The following ADCY2 variants were observed in gnomAD, a reference collection of about 807,000 sequenced individuals.
The protein encoded by ADCY2 is adenylate cyclase 2.
Under a neutral mutation model 125.2 loss-of-function variants are expected in ADCY2, and 31 were observed. That is an observed-to-expected ratio of 0.25 (90% CI 0.19 to 0.33). The LOEUF is 0.33. Among genes scored for constraint, ADCY2 ranks in the 10% least tolerant of loss-of-function variants. ADCY2 has a pLI of 1.00. For synonymous variants in ADCY2, 512 were observed against 548.4 expected, an observed-to-expected ratio of 0.93 and a Z score of 0.93; for missense variants, 904 against 1,418.2, an observed-to-expected ratio of 0.64 and a Z score of 5.82.
chr5:7,524,589 C>T (rs912402592), intron 3 of ADCY2, among the ~76,000 whole-genome samples: 3 of 152,172 alleles, frequency 2.0e-5, no homozygotes, highest in East Asian at 1.9e-4. Context: ...TTTAGTGGTT[C>T]TTTGGCCCTA....
intron 3 of ADCY2, among the ~76,000 whole-genome samples, chr5:7,572,685 T>C (rs961818742): frequency 1.1e-4 from 17 of 152,216 alleles, no homozygotes; most frequent in African/African-American, 3.9e-4. Flanking sequence ...ACTTTTGGCA[T>C]CTTCATCATG....
rs964713082 is a variant in ADCY2 at position 7,730,066 on chromosome 5, A to G, written c.1871+2805A>G. Among the ~76,000 whole-genome samples the G allele has an allele frequency of 2.6e-5, 4 of 152,076 alleles. No homozygotes were observed. In the East Asian group the frequency reaches 5.8e-4, roughly 22 times the overall value. On this transcript the variant is annotated intron_variant, in intron 14 of 24. Transcript: ENST00000338316. ...TCCCCCTTTGGAGTCTCCATAGTCCATTGTATCACTCTGTGTGCCTTTACA... is the reference window on the plus strand; with the variant it reads ...TCCCCCTTTGGAGTCTCCATAGTCCGTTGTATCACTCTGTGTGCCTTTACA...
At chr5:7,404,073 TA>T (rs1477768580) in intron 1 of ADCY2, among the ~76,000 whole-genome samples, 2 of 152,210 alleles carry the variant, frequency 1.3e-5, no homozygotes, top group African/African-American at 4.8e-5. Flanking sequence ...CTAGTATTTC[TA>T]ATTTTATTTC....
At chr5:7,475,090 C>A (rs963210416) in intron 2 of ADCY2, among the ~76,000 whole-genome samples, 3 of 152,214 alleles carry the variant, frequency 2.0e-5, no homozygotes, top group African/African-American at 4.8e-5. Flanking sequence ...TGGTGGGAAA[C>A]TCCATGGGAA....
chr5:7,589,927 G>A (rs1736792993), intron 3 of ADCY2, among the ~76,000 whole-genome samples: 1 of 152,158 alleles, frequency 6.6e-6, no homozygotes, highest in Admixed American at 6.5e-5. Context: ...TCCTTTCACA[G>A]CTGATTCCAA....
chr5:7,825,037 G>C (rs1745422926), intron 24 of ADCY2, among the ~76,000 whole-genome samples: 2 of 152,196 alleles, frequency 1.3e-5, no homozygotes, highest in Admixed American at 1.3e-4. Flanking sequence ...ACACTGCTGT[G>C]TGCCATAACA....
intron 4 of ADCY2, among the ~76,000 whole-genome samples, chr5:7,675,121 G>A (rs1740077160): frequency 6.6e-6 from 1 of 150,914 alleles, no homozygotes; most frequent in South Asian, 2.1e-4. Context: ...TAGCGCCACT[G>A]CAGTCCGGCC....
chr5:7,783,581 C>A lies in ADCY2; in HGVS notation c.2385-784C>A, dbSNP rs73737628. ...CACACAAGCAGAAAGTGATGACCTG[C>A]TGTTTGTAGTTGATCAAATGCCATC... is the stretch of plus-strand genomic sequence containing the variant. On this transcript the variant is annotated intron_variant, in intron 18 of 24. Coordinates refer to ENST00000338316, the MANE Select transcript of ADCY2 (RefSeq NM_020546.3). Among the ~76,000 whole-genome samples the A allele has an allele frequency of 4.0e-3, 604 of 152,206 alleles. 1 individual carries two copies. Among genetic ancestry groups the A allele is most frequent in the Middle Eastern group, 0.024 (7 of 294 alleles).
At chr5:7,414,526 A>C in intron 1 of ADCY2, 47 bp from the exon 2 acceptor site, 10 of 1,477,664 alleles carry the variant, frequency 6.8e-6, no homozygotes, top group Non-Finnish European at 9.2e-6. Flanking sequence ...TTGGTATCAC[A>C]GTGTCTCTAA....
intron 2 of ADCY2, among the ~76,000 whole-genome samples, chr5:7,450,489 G>A (rs1579455801): frequency 6.6e-6 from 1 of 152,162 alleles, no homozygotes; most frequent in East Asian, 1.9e-4. Context: ...TAGCAGAGGT[G>A]GCTTCATGAG....
chr5:7,563,437 G>C (rs1012998362), intron 3 of ADCY2, among the ~76,000 whole-genome samples: 1 of 152,196 alleles, frequency 6.6e-6, no homozygotes, highest in Non-Finnish European at 1.5e-5. Context: ...GGAGACTTGG[G>C]CTATGAAGGT....
intron 3 of ADCY2, among the ~76,000 whole-genome samples, chr5:7,624,210 C>A (rs912117642): frequency 6.6e-6 from 1 of 151,450 alleles, no homozygotes; most frequent in African/African-American, 2.5e-5. Context: ...TTTTGTAGGA[C>A]TTGAGGAGGC....
chr5:7,690,943 G>T, intron 5 of ADCY2, 104 bp downstream of exon 5: 2 of 1,292,376 alleles, frequency 1.5e-6, no homozygotes, highest in South Asian at 4.0e-5. Context: ...CTTTGTGACA[G>T]TGGATCCTTT....
At chr5:7,592,312 G>T (rs1226244840) in intron 3 of ADCY2, among the ~76,000 whole-genome samples, 1 of 152,062 alleles carries the variant, frequency 6.6e-6, no homozygotes, top group Non-Finnish European at 1.5e-5. Flanking sequence ...AGCTGATATC[G>T]TTGGATGAAT....
At chr5:7,515,453 G>A (rs377226426) in intron 2 of ADCY2, among the ~76,000 whole-genome samples, 31 of 152,306 alleles carry the variant, frequency 2.0e-4, no homozygotes, top group Non-Finnish European at 1.6e-4. Flanking sequence ...CTGAGAACAC[G>A]GGCTGCCCAA....
chr5:7,513,284 C>T (rs899952004), intron 2 of ADCY2, among the ~76,000 whole-genome samples: 3 of 152,140 alleles, frequency 2.0e-5, no homozygotes, highest in Non-Finnish European at 2.9e-5. Flanking sequence ...CCCAATTAAA[C>T]AGAAGATGGC....
At chr5:7,613,867 ATCT>A (rs1046700127) in intron 3 of ADCY2, among the ~76,000 whole-genome samples, 1 of 152,190 alleles carries the variant, frequency 6.6e-6, no homozygotes, top group African/African-American at 2.4e-5. Context: ...CAAGGATTTA[ATCT>A]TCTTCCAAGA....
intron 2 of ADCY2, among the ~76,000 whole-genome samples, chr5:7,499,343 G>T (rs750366542): frequency 6.6e-6 from 1 of 152,040 alleles, no homozygotes; most frequent in South Asian, 2.1e-4. Context: ...GGAGGGAGAG[G>T]GGCACAAAGA....
chr5:7,490,942 C>A (rs191735847), intron 2 of ADCY2, among the ~76,000 whole-genome samples: 15 of 152,120 alleles, frequency 9.9e-5, no homozygotes, highest in African/African-American at 3.6e-4. Flanking sequence ...ATGAAATATA[C>A]GTAATTGAGG....
Sources: gnomAD v4.1 joint callset for allele counts (sites outside exome capture counted in the v4.1 genomes callset) on GRCh38, gnomAD v4.1.1 for gene constraint, MANE v1.5 for transcripts, NCBI Gene and HGNC (gene_info 2026-07-23, HGNC 2026-07-21) for gene names.